The following APCDD1 variants were observed in gnomAD, a reference collection of about 807,000 sequenced individuals.
APCDD1 encodes protein APCDD1.
A neutral mutation model predicts 38.1 loss-of-function variants in APCDD1; 15 were observed. That is an observed-to-expected ratio of 0.39 (90% CI 0.26 to 0.61). The LOEUF is 0.61. APCDD1 is among the 20% of genes least tolerant of loss of function. The pLI is 0.49. For missense variants in APCDD1, 647 were observed against 696.2 expected, an observed-to-expected ratio of 0.93 and a Z score of 0.79; for synonymous variants, 261 against 279.7, an observed-to-expected ratio of 0.93 and a Z score of 0.67.
In APCDD1 at chr18:10,467,643, A is replaced by G. The variant is rs2030748475; in HGVS notation, c.59-826A>G. On this transcript the variant is annotated intron_variant, in intron 1 of 4. Transcript: ENST00000355285. The surrounding 1 kb of genome is among the most constrained non-coding windows in gnomAD (Gnocchi z 4.8). ...GTCTTTACCCCTGGGAAATAAACAT[A>G]TGTAATCTTCTTGCCATTATTCTTA... 6.6e-6 allele frequency among the ~76,000 whole-genome samples: 1 copy of G among 152,220 alleles called. No individual in the cohort carries two copies. The highest frequency in any genetic ancestry group is 1.5e-5 in the Non-Finnish European group (1 of 68,040).
Position 10,471,929 on chromosome 18 carries a change from G to A in APCDD1, c.642G>A (p.Val214=). ...TGCATGAACTTCAGCTCATCCGGGTGGAGAAGCAGTACCTTCACCACAACC... is the reference window on the plus strand; with the variant it reads ...TGCATGAACTTCAGCTCATCCGGGTAGAGAAGCAGTACCTTCACCACAACC... ...FAMHELQLIR[V]EKQYLHHNLD... is the part of the protein sequence containing the mutation. Residue 214 remains valine, a synonymous_variant, in exon 3 of 5, where the codon GTG becomes GTA. Transcript: ENST00000355285. The surrounding 1 kb of genome is among the most constrained non-coding windows in gnomAD (Gnocchi z 5.5). 6.2e-7 allele frequency: 1 copy of A among 1,614,158 alleles called. No individual in the cohort carries two copies. The highest frequency in any genetic ancestry group is 8.5e-7 in the Non-Finnish European group (1 of 1,180,036).
chr18:10,485,999 C>T lies in APCDD1; in HGVS notation c.1096+216C>T, dbSNP rs930395586. ...CAGCCTCCACTTGCAGGCCTGAATG[C>T]GAGAGGAGTCCACGCCACTGCCTGT... On this transcript the variant is annotated intron_variant, in intron 4 of 4. Coordinates refer to ENST00000355285, the MANE Select transcript of APCDD1 (RefSeq NM_153000.5). This position sits in a 1 kb window ranked among gnomAD's most constrained non-coding sequence, Gnocchi z 5.8. Among the ~76,000 whole-genome samples the T allele has an allele frequency of 3.3e-5, 5 of 152,134 alleles. No individual in the cohort carries two copies. The highest frequency in any genetic ancestry group is 5.9e-5 in the Non-Finnish European group (4 of 68,030).
intron 1 of APCDD1, among the ~76,000 whole-genome samples, chr18:10,456,795 T>C (rs1395768194): frequency 6.6e-6 from 1 of 152,126 alleles, no homozygotes; most frequent in Admixed American, 6.5e-5. Context: ...AGAATTTGAG[T>C]CTGGAATCTT....
chr18:10,482,273 T>G (rs2031158588), intron 3 of APCDD1, among the ~76,000 whole-genome samples: 1 of 152,126 alleles, frequency 6.6e-6, no homozygotes, highest in African/African-American at 2.4e-5. Flanking sequence ...GAGTTGCAAC[T>G]GATGTTTTTA....
chr18:10,465,327 C>G (rs2030679974), intron 1 of APCDD1, among the ~76,000 whole-genome samples: 1 of 152,160 alleles, frequency 6.6e-6, no homozygotes, highest in Admixed American at 6.5e-5. Flanking sequence ...TGGGACTCAT[C>G]TGGAGATTCA....
chr18:10,475,919 C>G lies in APCDD1; in HGVS notation c.774+3858C>G, dbSNP rs967936323. The G allele has an allele frequency of 6.6e-6, 1 of 152,272 alleles. No individual in the cohort carries two copies. The highest frequency in any genetic ancestry group is 2.4e-5 in the African/African-American group (1 of 41,424). 9.4% of individuals were successfully genotyped at this position (152,272 alleles called of 1,614,324 possible). On this transcript the variant is annotated intron_variant, in intron 3 of 4. Coordinates refer to ENST00000355285, the MANE Select transcript of APCDD1 (RefSeq NM_153000.5). The surrounding 1 kb of genome is among the most constrained non-coding windows in gnomAD (Gnocchi z 4.0). ...CGGAGTCTTCAGGAAGTTTTCAGAT[C>G]CTTCCCCAGGACAGCTCTGAGAAGG... is the stretch of plus-strand genomic sequence containing the variant.
chr18:10,460,448 G>A (rs1171547735), intron 1 of APCDD1, among the ~76,000 whole-genome samples: 2 of 151,640 alleles, frequency 1.3e-5, no homozygotes, highest in East Asian at 3.9e-4. Context: ...CAGGAATATC[G>A]CTTGAACCCA....
intron 1 of APCDD1, among the ~76,000 whole-genome samples, chr18:10,455,273 G>T (rs1188772864): frequency 6.6e-6 from 1 of 152,226 alleles, no homozygotes; most frequent in African/African-American, 2.4e-5. Flanking sequence ...TTTGCTGCGG[G>T]ACTGTTCTTT....
intron 1 of APCDD1, among the ~76,000 whole-genome samples, chr18:10,455,791 G>A (rs1285838336): frequency 1.3e-5 from 2 of 152,180 alleles, no homozygotes; most frequent in African/African-American, 4.8e-5. Context: ...GCGGGTTCCA[G>A]AAATTGCGCT....
rs1351983227 is a variant in APCDD1, at chr18:10,471,505, CTCT to C, written c.243-19_243-17del. Reference sequence around the variant, plus strand: ...CCCATACCTTCAGGCTTACAAAGGTCTCTTCTTCCCCTTTTCTTGCCCAGCTGT... The same window carrying C: ...CCCATACCTTCAGGCTTACAAAGGTCTCTTCCCCTTTTCTTGCCCAGCTGT... On this transcript the variant is annotated intron_variant, in intron 2 of 4. Coordinates refer to ENST00000355285, the MANE Select transcript of APCDD1 (RefSeq NM_153000.5). The surrounding 1 kb of genome is among the most constrained non-coding windows in gnomAD (Gnocchi z 5.5). The C allele has an allele frequency of 1.5e-5, 24 of 1,614,110 alleles. 1 individual carries two copies. The African/African-American group carries it at 2.0e-4, about 13-fold the overall frequency.
intron 1 of APCDD1, among the ~76,000 whole-genome samples, chr18:10,460,102 C>G (rs1421782500): frequency 6.6e-6 from 1 of 152,202 alleles, no homozygotes; most frequent in Non-Finnish European, 1.5e-5. Context: ...TCGTTTCCTT[C>G]CCAAATAATT....
chr18:10,487,935 G>C lies in APCDD1; in HGVS notation c.1442G>C (p.Gly481Ala). Reference sequence around the variant, plus strand: ...GCAGAGGACCTCGCAGAAGACAGTGGAAGCAGCCTGTATGGCCGGGCCCCT... The same window carrying C: ...GCAGAGGACCTCGCAGAAGACAGTGCAAGCAGCCTGTATGGCCGGGCCCCT... ...PRAEDLAEDS[G>A]SSLYGRAPGR... The change falls in exon 5 of 5, where the codon GGA becomes GCA. Residue 481 changes from glycine to alanine, a missense_variant. Coordinates refer to ENST00000355285, the MANE Select transcript of APCDD1 (RefSeq NM_153000.5). 2.5e-6 allele frequency: 4 copies of C among 1,613,530 alleles called. No individual in the cohort carries two copies. Among genetic ancestry groups the C allele is most frequent in the Non-Finnish European group, 3.4e-6 (4 of 1,179,870 alleles).
chr18:10,462,092 C>T (rs2030558226), intron 1 of APCDD1, among the ~76,000 whole-genome samples: 1 of 152,142 alleles, frequency 6.6e-6, no homozygotes, highest in Non-Finnish European at 1.5e-5. Flanking sequence ...CATACAATGG[C>T]AGAAGTTTCA....
Position 10,475,136 on chromosome 18 carries a change from T to C in APCDD1, c.774+3075T>C, listed in dbSNP as rs558023011. On this transcript the variant is annotated intron_variant, in intron 3 of 4. Transcript: ENST00000355285. The surrounding 1 kb of genome is among the most constrained non-coding windows in gnomAD (Gnocchi z 4.0). ...ATGCAAAGCTCCATCTCTCTTAACC[T>C]AGAGTAAGTCGCCCTTCTGGGCCAA... Among the ~76,000 whole-genome samples the C allele has an allele frequency of 2.0e-4, 31 of 152,348 alleles. No individual in the cohort carries two copies. Among genetic ancestry groups the C allele is most frequent in the Admixed American group, 3.3e-4 (5 of 15,312 alleles).
At chr18:10,487,536 CT>C in intron 4 of APCDD1, 53 bp from the exon 5 acceptor site, 1 of 1,587,058 alleles carries the variant, frequency 6.3e-7, no homozygotes, top group Non-Finnish European at 8.6e-7. Context: ...GGGTGGGTTT[CT>C]GGATCCCACG....
rs1393272133 is a variant in APCDD1 at position 10,470,782 on chromosome 18, C to T, written c.243-748C>T. Among the ~76,000 whole-genome samples the T allele has an allele frequency of 6.6e-6, 1 of 152,234 alleles. No individual in the cohort carries two copies. The highest frequency in any genetic ancestry group is 1.5e-5 in the Non-Finnish European group (1 of 68,048). On this transcript the variant is annotated intron_variant, in intron 2 of 4. Coordinates refer to ENST00000355285, the MANE Select transcript of APCDD1 (RefSeq NM_153000.5). The surrounding 1 kb of genome is among the most constrained non-coding windows in gnomAD (Gnocchi z 4.1). The stretch of plus-strand genomic sequence containing the variant: ...AGCCGTTTGTGAAATCCCTCAATTC[C>T]ATCCCGCTGCTGTTATGCTCTGTAG...
At chr18:10,462,516 TCCTTCCTGTGACCCTCCCTTCCTC>T (rs1457476461) in intron 1 of APCDD1, among the ~76,000 whole-genome samples, 36 of 62,978 alleles carry the variant, frequency 5.7e-4, no homozygotes, top group African/African-American at 2.7e-3. Context: ...CTTCCTTCCT[TCCTTCCTGTGACCCTCCCTTCCTC>T]CCTTCCTTCC....
chr18:10,468,409 G>A, intron 1 of APCDD1, 60 bp from the exon 2 acceptor site: 1 of 1,581,684 alleles, frequency 6.3e-7, no homozygotes, highest in Non-Finnish European at 8.7e-7. Context: ...TGGTTGTTTG[G>A]CCTGATTCAT....
At position 10,489,409 on chromosome 18, in the gene APCDD1, A is replaced by T. The variant is rs1171569543; in HGVS notation, c.*1371A>T. ...GCAAAGAGCCATCCTTGTATTTAAG[A>T]AGTAACTTTGGCCAGGTGTGATGGC... On this transcript the variant is annotated 3_prime_UTR_variant, in exon 5 of 5. Transcript: ENST00000355285. 1 of 152,200 alleles carries T rather than the reference A, an allele frequency of 6.6e-6. No homozygotes were observed. The highest frequency in any genetic ancestry group is 1.5e-5 in the Non-Finnish European group (1 of 68,048). The allele number at this position is 152,200 out of a possible 1,614,324, so 9.4% of individuals were successfully genotyped here. A position where few individuals can be genotyped will look rare whatever the true frequency, so the allele number is the denominator to read the frequency against.
Sources: gnomAD v4.1 joint callset for allele counts (sites outside exome capture counted in the v4.1 genomes callset) on GRCh38, gnomAD v4.1.1 for gene constraint, Gnocchi (gnomAD v3.1) non-coding constraint, MANE v1.5 for transcripts, NCBI Gene and HGNC (gene_info 2026-07-23, HGNC 2026-07-21) for gene names.